Variants in IMPACT observed in about 807,000 individuals in gnomAD.
The protein encoded by IMPACT is protein IMPACT.
IMPACT carries 35 observed loss-of-function variants against 47.5 expected under a neutral mutation model. The observed-to-expected ratio is 0.74, with a 90% CI of 0.56 to 0.98. IMPACT has a LOEUF of 0.98. IMPACT is among the 50% of genes least tolerant of loss of function. The pLI, the probability that IMPACT is intolerant of heterozygous loss-of-function variation, is 0.00. For missense variants in IMPACT, 373 were observed against 394.8 expected (o/e 0.94, Z 0.47); for synonymous variants, 118 against 125.6 (o/e 0.94, Z 0.40).
intron 4 of IMPACT, among the ~76,000 whole-genome samples, chr18:24,433,489 G>A (rs1253389534): frequency 1.3e-5 from 2 of 149,846 alleles, no homozygotes; most frequent in East Asian, 4.0e-4. Context: ...GTGAGCCACC[G>A]CGCCCGGCCA....
intron 3 of IMPACT, among the ~76,000 whole-genome samples, 154 bp downstream of exon 3, chr18:24,429,075 A>C (rs1908684664): frequency 6.6e-6 from 1 of 152,252 alleles, no homozygotes. Flanking sequence ...CATTTAAATA[A>C]AAATTAAATT....
chr18:24,446,916 A>T (rs1568090071), intron 8 of IMPACT, among the ~76,000 whole-genome samples: 1 of 152,216 alleles, frequency 6.6e-6, no homozygotes, highest in Non-Finnish European at 1.5e-5. Flanking sequence ...ATTAACTCTT[A>T]TTAGTTAGCA....
At chr18:24,430,725 C>T (rs918183233) in intron 4 of IMPACT, among the ~76,000 whole-genome samples, 2 of 151,594 alleles carry the variant, frequency 1.3e-5, no homozygotes, top group Non-Finnish European at 2.9e-5. Context: ...ACAGTGAGAC[C>T]CCCATCTCAA....
intron 6 of IMPACT, among the ~76,000 whole-genome samples, 191 bp from the exon 7 acceptor site, chr18:24,442,858 G>T (rs1037885558): frequency 6.6e-6 from 1 of 152,110 alleles, no homozygotes; most frequent in African/African-American, 2.4e-5. Context: ...TTAATCTTAT[G>T]TACAATATAG....
At chr18:24,426,916 C>T in intron 1 of IMPACT, 124 bp downstream of exon 1, 2 of 618,476 alleles carry the variant, frequency 3.2e-6, no homozygotes, top group Non-Finnish European at 4.7e-6. Flanking sequence ...ACTGGCCACG[C>T]CATTTGCTCC....
chr18:24,437,694 C>G (rs890964364), intron 4 of IMPACT, among the ~76,000 whole-genome samples: 31 of 152,066 alleles, frequency 2.0e-4, no homozygotes, highest in African/African-American at 7.5e-4. Flanking sequence ...TGTTTATTCC[C>G]CTCTTTGGTT....
chr18:24,428,939 G>C lies in IMPACT; in HGVS notation c.218+18G>C, dbSNP rs371194789. ...CAGTTGAAGTAAGCTGTATTTCTACGTTTATATTGCTATAAAAAGATTCTA... is the reference window on the plus strand; with the variant it reads ...CAGTTGAAGTAAGCTGTATTTCTACCTTTATATTGCTATAAAAAGATTCTA... On this transcript the variant is annotated intron_variant, in intron 3 of 10. Coordinates refer to ENST00000284202, the MANE Select transcript of IMPACT (RefSeq NM_018439.4). 1.3e-6 allele frequency: 2 copies of C among 1,563,836 alleles called. No homozygotes were observed. The highest frequency in any genetic ancestry group is 1.7e-5 in the Admixed American group (1 of 58,222).
rs1344003058 is a variant in IMPACT, at chr18:24,439,825, CAA to C, written c.368-669_368-668del. ...AGACTCTGTGTCAAACAAAAGTAAA[CAA>C]ATATATGGGTACTGTGGCCTAGACA... On this transcript the variant is annotated intron_variant, in intron 5 of 10. Coordinates refer to ENST00000284202, the MANE Select transcript of IMPACT (RefSeq NM_018439.4). Among the ~76,000 whole-genome samples the C allele has an allele frequency of 2.0e-5, 3 of 152,130 alleles. No homozygotes were observed. In the East Asian group the frequency reaches 5.8e-4, roughly 29 times the overall value.
intron 4 of IMPACT, among the ~76,000 whole-genome samples, chr18:24,433,042 G>A (rs140942168): frequency 2.6e-5 from 4 of 152,192 alleles, no homozygotes; most frequent in East Asian, 3.9e-4. Flanking sequence ...TGAAACTTAC[G>A]AAGTGTCAGA....
chr18:24,434,436 A>T (rs372780886), intron 4 of IMPACT, among the ~76,000 whole-genome samples: 1 of 152,160 alleles, frequency 6.6e-6, no homozygotes, highest in African/African-American at 2.4e-5. Context: ...TTATTAAGGC[A>T]AAAAGAATAT....
Position 24,426,731 on chromosome 18 carries a change from G to GGCT in IMPACT, c.-23_-21dup, listed in dbSNP as rs2144327235. 4 of 1,245,654 alleles carry GGCT rather than the reference G, an allele frequency of 3.2e-6. No individual in the cohort carries two copies. The highest frequency in any genetic ancestry group is 4.0e-6 in the Non-Finnish European group (4 of 994,430). 77.2% of individuals were successfully genotyped at this position (1,245,654 alleles called of 1,614,324 possible). A position where few individuals can be genotyped will look rare whatever the true frequency, so the allele number is the denominator to read the frequency against. On this transcript the variant is annotated 5_prime_UTR_variant, in exon 1 of 11. Coordinates refer to ENST00000284202, the MANE Select transcript of IMPACT (RefSeq NM_018439.4). ...CCGCGCTCCGGACCTGGCAGGCGGC[G>GGCT]GCTGCAGGGCAGGTCCAGGGGCCAC...
chr18:24,431,599 C>T (rs1908759227), intron 4 of IMPACT, among the ~76,000 whole-genome samples: 2 of 152,210 alleles, frequency 1.3e-5, no homozygotes, highest in African/African-American at 4.8e-5. Context: ...GCAGTCTTGA[C>T]ATCCCAGGCT....
rs765622816 is a variant in IMPACT, at chr18:24,440,520, A to G, written c.392A>G (p.Glu131Gly). Residue 131 changes from glutamate to glycine, a missense_variant, in exon 6 of 11, where the codon GAA becomes GGA. By Grantham distance (98) the Glu-to-Gly change is moderately conservative. Coordinates refer to ENST00000284202, the MANE Select transcript of IMPACT (RefSeq NM_018439.4). ...EPGPDVKKKTEEEDVECEDDL... is the reference protein window; with the variant it reads ...EPGPDVKKKTGEEDVECEDDL... ...GGCCCAGATGTAAAGAAGAAAACTGAAGAGGAAGATGTTGAATGTGAAGAT... is the reference window on the plus strand; with the variant it reads ...GGCCCAGATGTAAAGAAGAAAACTGGAGAGGAAGATGTTGAATGTGAAGAT... The G allele has an allele frequency of 6.2e-7, 1 of 1,613,200 alleles. No individual in the cohort carries two copies. Among genetic ancestry groups the G allele is most frequent in the Admixed American group, 1.7e-5 (1 of 59,888 alleles).
chr18:24,433,340 C>A (rs1004433087), intron 4 of IMPACT, among the ~76,000 whole-genome samples: 13 of 150,122 alleles, frequency 8.7e-5, no homozygotes, highest in African/African-American at 3.2e-4. Flanking sequence ...GCTGGGACTA[C>A]AGGCGCCCGC....
chr18:24,447,602 G>A (rs752332833), intron 8 of IMPACT, among the ~76,000 whole-genome samples: 2 of 152,146 alleles, frequency 1.3e-5, no homozygotes, highest in African/African-American at 2.4e-5. Flanking sequence ...TGAGAGGAAA[G>A]TATAAAATAT....
At chr18:24,449,765 T>G in intron 9 of IMPACT, 54 bp from the exon 10 acceptor site, 2 of 1,493,414 alleles carry the variant, frequency 1.3e-6, no homozygotes, top group Non-Finnish European at 1.9e-6. Flanking sequence ...TTTTTAAAAC[T>G]CATATTTATA....
In IMPACT at chr18:24,437,936, TCCCCTGA is replaced by T; in HGVS notation, c.282-18_282-12del. On this transcript the variant is annotated splice_polypyrimidine_tract_variant and intron_variant, in intron 4 of 10. Coordinates refer to ENST00000284202, the MANE Select transcript of IMPACT (RefSeq NM_018439.4). Reference sequence around the variant, plus strand: ...ATTTTTGAAATAACAATTTTTTTTTTCCCCTGAATTTTGTTTAGTCAGAATATCGGTG... The same window carrying T: ...ATTTTTGAAATAACAATTTTTTTTTTATTTTGTTTAGTCAGAATATCGGTG... The T allele has an allele frequency of 8.1e-7, 1 of 1,242,042 alleles. No individual in the cohort carries two copies. Among genetic ancestry groups the T allele is most frequent in the Non-Finnish European group, 1.2e-6 (1 of 861,850 alleles). 76.9% of individuals were successfully genotyped at this position (1,242,042 alleles called of 1,614,324 possible). A position where few individuals can be genotyped will look rare whatever the true frequency, so the allele number is the denominator to read the frequency against.
chr18:24,446,165 C>T (rs1909244768), intron 8 of IMPACT, among the ~76,000 whole-genome samples: 1 of 151,900 alleles, frequency 6.6e-6, no homozygotes, highest in Admixed American at 6.6e-5. Context: ...TTGGCCCAAG[C>T]AATCCTCCCA....
At chr18:24,431,424 A>T (rs1452898342) in intron 4 of IMPACT, among the ~76,000 whole-genome samples, 1 of 152,222 alleles carries the variant, frequency 6.6e-6, no homozygotes, top group Admixed American at 6.5e-5. Flanking sequence ...CAGATCCTGC[A>T]GAGTTTTGTA....
Sources: allele counts gnomAD v4.1 joint callset (sites outside exome capture counted in the v4.1 genomes callset), GRCh38; gene constraint gnomAD v4.1.1; transcripts MANE v1.5; gene names NCBI Gene and HGNC (gene_info 2026-07-23, HGNC 2026-07-21).